Variants in BRSK2 observed in about 807,000 individuals in gnomAD.
BRSK2 encodes BR serine/threonine kinase 2.
A neutral mutation model predicts 83.3 loss-of-function variants in BRSK2; 19 were observed. The ratio of observed to expected loss-of-function variants is 0.23; its 90% confidence interval spans 0.16 to 0.33. The LOEUF is 0.33. Ranked by LOEUF, BRSK2 falls within the 10% of genes least tolerant of loss-of-function variation. The pLI is 1.00. For missense variants in BRSK2, 798 were observed against 1,042.3 expected, an observed-to-expected ratio of 0.77 and a Z score of 3.23; for synonymous variants, 519 against 435.4, an observed-to-expected ratio of 1.19 and a Z score of -2.39.
At chr11:1,447,718 T>C in intron 12 of BRSK2, 3 of 1,341,212 alleles carry the variant, frequency 2.2e-6, no homozygotes, top group Middle Eastern at 1.8e-4. Flanking sequence ...TCTTACCCGG[T>C]GTGGCCCGGG....
intron 19 of BRSK2, among the ~76,000 whole-genome samples, chr11:1,460,098 G>T (rs1009804469): frequency 6.6e-6 from 1 of 152,100 alleles, no homozygotes; most frequent in Non-Finnish European, 1.5e-5. Context: ...GGAGGGAAGG[G>T]GGGTGGGGCA....
intron 2 of BRSK2, among the ~76,000 whole-genome samples, chr11:1,437,017 G>A (rs561286485): frequency 6.6e-6 from 1 of 151,906 alleles, no homozygotes; most frequent in Non-Finnish European, 1.5e-5. Flanking sequence ...TGGGGTTAAG[G>A]GCTGCTGAGG....
At chr11:1,397,240 G>A (rs1399461524) in intron 1 of BRSK2, among the ~76,000 whole-genome samples, 3 of 152,340 alleles carry the variant, frequency 2.0e-5, no homozygotes, top group Non-Finnish European at 2.9e-5. Context: ...GCCGGGCCAG[G>A]CTGCCCTGAG....
chr11:1,433,628 G>A (rs541418262), intron 1 of BRSK2, among the ~76,000 whole-genome samples: 3 of 152,386 alleles, frequency 2.0e-5, no homozygotes, highest in African/African-American at 7.2e-5. Flanking sequence ...CCCTGCCCCG[G>A]GATGCAGGCC....
intron 12 of BRSK2, 130 bp downstream of exon 12, chr11:1,446,037 A>C: frequency 1.5e-5 from 16 of 1,034,042 alleles, no homozygotes; most frequent in East Asian, 7.8e-5. Flanking sequence ...TATGGGCTAA[A>C]CTGGGCTTAG....
At chr11:1,403,757 G>T (rs566969829) in intron 1 of BRSK2, among the ~76,000 whole-genome samples, 7 of 152,190 alleles carry the variant, frequency 4.6e-5, no homozygotes, top group Admixed American at 4.6e-4. Context: ...AGTGGGCTCT[G>T]TTCTGGGCTC....
Position 1,443,503 on chromosome 11 carries a change from C to T in BRSK2, c.648C>T (p.Phe216=), listed in dbSNP as rs763568873. 7.4e-5 allele frequency: 118 copies of T among 1,600,528 alleles called. No individual in the cohort carries two copies. Among genetic ancestry groups the T allele is most frequent in the Middle Eastern group, 3.3e-4 (2 of 6,066 alleles). ...GCCGCCCGCAGGGGGCTCTGCCCTT[C>T]GACGATGACAACTTGCGACAGCTGC... ...LFALLVGALP[F]DDDNLRQLLE... The change falls in exon 8 of 20, where the codon TTC becomes TTT. Residue 216 remains phenylalanine, a synonymous_variant. Transcript: ENST00000528841.
At chr11:1,402,969 G>A (rs867838725) in intron 1 of BRSK2, among the ~76,000 whole-genome samples, 29 of 152,222 alleles carry the variant, frequency 1.9e-4, no homozygotes, top group Middle Eastern at 3.4e-3. Context: ...ACAGATGAGC[G>A]CCCTCTCCAG....
Position 1,459,240 on chromosome 11 carries a change from G to A in BRSK2, c.1987+1G>A, listed in dbSNP as rs1036329762. Reference sequence around the variant, plus strand: ...ATGACGGGGCGGCTTTCCAAATGTGGTAAGAATCCCCCACGCTCACCTGGC... The same window carrying A: ...ATGACGGGGCGGCTTTCCAAATGTGATAAGAATCCCCCACGCTCACCTGGC... On this transcript the variant is annotated splice_donor_variant, in intron 19 of 19. Transcript: ENST00000528841. LOFTEE classifies it high-confidence loss of function. The A allele has an allele frequency of 6.2e-7, 1 of 1,613,678 alleles. No individual in the cohort carries two copies. Among genetic ancestry groups the A allele is most frequent in the Non-Finnish European group, 8.5e-7 (1 of 1,179,794 alleles).
rs546289762 is a variant in BRSK2, at chr11:1,423,364, C to T, written c.92-12676C>T. On this transcript the variant is annotated intron_variant, in intron 1 of 19. Transcript: ENST00000528841. The surrounding 1 kb of genome is among the most constrained non-coding windows in gnomAD (Gnocchi z 6.5). ...TCAGTGCAGAGCCTTCAGTTAGGAG[C>T]CGAGGCCTCTGGCCAGGTTCAGGCA... Among the ~76,000 whole-genome samples the T allele has an allele frequency of 6.6e-6, 1 of 152,240 alleles. No individual in the cohort carries two copies. The highest frequency in any genetic ancestry group is 2.1e-4 in the South Asian group (1 of 4,824).
chr11:1,411,429 C>T (rs1181487111), intron 1 of BRSK2: 23 of 1,468,348 alleles, frequency 1.6e-5, no homozygotes, highest in South Asian at 8.3e-5. Context: ...CCACCCCAGC[C>T]GATGGGCACG....
At chr11:1,455,470 C>G (rs1192572817) in intron 16 of BRSK2, among the ~76,000 whole-genome samples, 2 of 152,060 alleles carry the variant, frequency 1.3e-5, no homozygotes, top group Non-Finnish European at 2.9e-5. Context: ...CCCCACCCCA[C>G]CATATGCTCT....
chr11:1,415,220 G>A (rs1847973120), intron 1 of BRSK2, among the ~76,000 whole-genome samples: 1 of 150,324 alleles, frequency 6.7e-6, no homozygotes, highest in Non-Finnish European at 1.5e-5. Context: ...TCAGCCTCCT[G>A]AGTAGCTGGG....
intron 1 of BRSK2, among the ~76,000 whole-genome samples, chr11:1,395,619 G>C (rs949242525): frequency 2.0e-5 from 3 of 152,210 alleles, no homozygotes; most frequent in Non-Finnish European, 4.4e-5. Context: ...TGTGGCCCTG[G>C]GCACCTCAGG....
At chr11:1,421,848 G>A (rs969038166) in intron 1 of BRSK2, among the ~76,000 whole-genome samples, 10 of 152,154 alleles carry the variant, frequency 6.6e-5, no homozygotes, top group Non-Finnish European at 1.5e-4. Flanking sequence ...GGCCCCTCTC[G>A]GGGCAGGTGG....
At position 1,454,881 on chromosome 11, in the gene BRSK2, G is replaced by A. The variant is rs142434706; in HGVS notation, c.1668+273G>A. ...TCCCCAGCAGCCCTAGGTGTGTGCC[G>A]GACAGGCCTGGGCAGCTGGCACGTG... On this transcript the variant is annotated intron_variant, in intron 16 of 19. Transcript: ENST00000528841. This position sits in a 1 kb window ranked among gnomAD's most constrained non-coding sequence, Gnocchi z 5.2. Among the ~76,000 whole-genome samples, 863 of 152,286 alleles carry A rather than the reference G, an allele frequency of 5.7e-3. 7 individuals are homozygous for A. The highest frequency in any genetic ancestry group is 0.019 in the African/African-American group (784 of 41,550).
rs1235219717 is a variant in BRSK2 at position 1,445,726 on chromosome 11, G to A, written c.1076-31G>A. On this transcript the variant is annotated intron_variant, in intron 11 of 19. Transcript: ENST00000528841. Reference sequence around the variant, plus strand: ...TGCACTGCCCCACCGGGGTCCGGGGGCTGTCTGGCCTGACCTTCGTCTGTA... The same window carrying A: ...TGCACTGCCCCACCGGGGTCCGGGGACTGTCTGGCCTGACCTTCGTCTGTA... 1.9e-6 allele frequency: 3 copies of A among 1,610,890 alleles called. No individual in the cohort carries two copies. In the Admixed American group the frequency reaches 5.0e-5, roughly 27 times the overall value.
rs1847108734 is a variant in BRSK2 at position 1,459,337 on chromosome 11, C to A, written c.1987+98C>A. The A allele has an allele frequency of 2.8e-6, 4 of 1,420,522 alleles. No individual in the cohort carries two copies. The South Asian group carries it at 3.5e-5, about 12-fold the overall frequency. The allele number at this position is 1,420,522 out of a possible 1,614,324, so 88.0% of individuals were successfully genotyped here. ...CCACCTGCCGCCCGGGTTGTCCCGGCCTCCCTGTGTAGATGTAGGCACCCA... is the reference window on the plus strand; with the variant it reads ...CCACCTGCCGCCCGGGTTGTCCCGGACTCCCTGTGTAGATGTAGGCACCCA... On this transcript the variant is annotated intron_variant, in intron 19 of 19. Coordinates refer to ENST00000528841, the MANE Select transcript of BRSK2 (RefSeq NM_001256627.2).
rs3817590 is a variant in BRSK2 at position 1,445,545 on chromosome 11, C to T, written c.978-26C>T. On this transcript the variant is annotated intron_variant, in intron 10 of 19. Coordinates refer to ENST00000528841, the MANE Select transcript of BRSK2 (RefSeq NM_001256627.2). ...GAGCCGGCGGCCCCGTGTGCCAGCG[C>T]GTCTCGCGCCTCTCGCCCGCTGTAG... 6.7e-4 allele frequency: 1,061 copies of T among 1,593,082 alleles called. 15 individuals are homozygous for T. The East Asian group carries it at 0.02, about 31-fold the overall frequency.
Sources: allele counts gnomAD v4.1 joint callset (sites outside exome capture counted in the v4.1 genomes callset), GRCh38; gene constraint gnomAD v4.1.1; non-coding constraint Gnocchi (gnomAD v3.1); transcripts MANE v1.5; gene names NCBI Gene and HGNC (gene_info 2026-07-23, HGNC 2026-07-21).